The following FYB1 variants were observed in gnomAD, a reference collection of about 807,000 sequenced individuals.
The protein encoded by FYB1 is FYN-binding protein 1.
Under a neutral mutation model 94.1 loss-of-function variants are expected in FYB1, and 41 were observed. The ratio of observed to expected loss-of-function variants is 0.44; its 90% confidence interval spans 0.34 to 0.57. The LOEUF (loss-of-function observed/expected upper bound fraction) is 0.57, where lower values mean the gene tolerates loss of function less well. FYB1 is among the 20% of genes least tolerant of loss of function. FYB1 has a pLI of 0.02. For synonymous variants in FYB1, 367 were observed against 353.2 expected, an observed-to-expected ratio of 1.04 and a Z score of -0.44; for missense variants, 1,050 against 976.8, an observed-to-expected ratio of 1.07 and a Z score of -1.00.
At chr5:39,129,188 A>G (rs1740953710) in intron 10 of FYB1, among the ~76,000 whole-genome samples, 1 of 152,022 alleles carries the variant, frequency 6.6e-6, no homozygotes. Context: ...AGAAAAAGGC[A>G]CCAAGAACAT....
At chr5:39,230,090 T>C (rs1288589713) in intron 1 of FYB1, among the ~76,000 whole-genome samples, 1 of 152,206 alleles carries the variant, frequency 6.6e-6, no homozygotes, top group Non-Finnish European at 1.5e-5. Flanking sequence ...TTCCAAAAGA[T>C]GTCCACCTCC....
At chr5:39,270,204 C>T (rs1323862302) in intron 1 of FYB1, among the ~76,000 whole-genome samples, 7 of 152,150 alleles carry the variant, frequency 4.6e-5, no homozygotes, top group East Asian at 1.9e-4. Flanking sequence ...TCCCAACATT[C>T]GCCACTGGAG....
chr5:39,183,280 C>T (rs1356765655), intron 2 of FYB1, among the ~76,000 whole-genome samples: 1 of 152,154 alleles, frequency 6.6e-6, no homozygotes, highest in Non-Finnish European at 1.5e-5. Flanking sequence ...GCCACCACTC[C>T]TGGCCTTGTT....
chr5:39,123,503 T>C (rs56314755), intron 13 of FYB1, among the ~76,000 whole-genome samples: 5,018 of 152,244 alleles, frequency 0.033, 139 homozygotes, highest in Non-Finnish European at 0.043. Context: ...TTTAAAAATA[T>C]TATAGATTAG....
chr5:39,272,995 G>A (rs1359716746), intron 1 of FYB1, among the ~76,000 whole-genome samples: 1 of 152,156 alleles, frequency 6.6e-6, no homozygotes, highest in Admixed American at 6.5e-5. Flanking sequence ...TTCCCCACCC[G>A]GCCGGCTGCC....
intron 2 of FYB1, among the ~76,000 whole-genome samples, chr5:39,182,136 CCTAA>C (rs199878387): frequency 0.01 from 1,593 of 152,258 alleles, 10 homozygotes; most frequent in Non-Finnish European, 0.014. Context: ...TCGGTTCCTG[CCTAA>C]CTAACTCCCC....
At chr5:39,146,892 A>G (rs1375675309) in intron 3 of FYB1, among the ~76,000 whole-genome samples, 2 of 152,188 alleles carry the variant, frequency 1.3e-5, no homozygotes, top group Non-Finnish European at 2.9e-5. Context: ...GTGAAGAATA[A>G]AAGGAAAAGA....
intron 1 of FYB1, among the ~76,000 whole-genome samples, chr5:39,215,593 T>C (rs144636876): frequency 5.0e-4 from 76 of 152,274 alleles, no homozygotes; most frequent in African/African-American, 1.8e-3. Context: ...CTGTGGTGTA[T>C]TCAGAAGCAA....
At chr5:39,127,373 CT>C (rs1276636124) in intron 11 of FYB1, among the ~76,000 whole-genome samples, 1 of 141,012 alleles carries the variant, frequency 7.1e-6, no homozygotes, top group Non-Finnish European at 1.5e-5. Flanking sequence ...TCAATAAAGA[CT>C]TTATTAGGAA....
chr5:39,200,198 C>T (rs958701360), intron 2 of FYB1, among the ~76,000 whole-genome samples: 6 of 152,186 alleles, frequency 3.9e-5, no homozygotes, highest in African/African-American at 1.4e-4. Flanking sequence ...GTCTGCTCTG[C>T]AGTTCTGCCT....
intron 2 of FYB1, among the ~76,000 whole-genome samples, chr5:39,166,320 C>T (rs1309970863): frequency 6.6e-6 from 1 of 151,946 alleles, no homozygotes; most frequent in African/African-American, 2.4e-5. Context: ...CCTGTAATCT[C>T]AGCTACTCGG....
rs985848053 is a variant in FYB1 at position 39,214,887 on chromosome 5, C to A, written c.-28+4556G>T. 4.6e-4 allele frequency among the ~76,000 whole-genome samples: 70 copies of A among 152,262 alleles called. 1 individual carries two copies. The highest frequency in any genetic ancestry group is 1.6e-3 in the African/African-American group (66 of 41,544). The stretch of plus-strand genomic sequence containing the variant: ...GAGGTTGCAGTGAGCCAAGATCGCA[C>A]CACTGCACTCCAGTCTGGGCAACAG... On this transcript the variant is annotated intron_variant, in intron 1 of 18. Coordinates refer to ENST00000512982, the MANE Select transcript of FYB1 (RefSeq NM_001465.6).
chr5:39,156,574 G>T (rs1342183880), intron 2 of FYB1, among the ~76,000 whole-genome samples: 1 of 152,184 alleles, frequency 6.6e-6, no homozygotes. Flanking sequence ...ATCAAGCTTG[G>T]GAGAACATAT....
chr5:39,224,632 T>C (rs1750396924), intron 1 of FYB1, among the ~76,000 whole-genome samples: 1 of 152,212 alleles, frequency 6.6e-6, no homozygotes, highest in Admixed American at 6.5e-5. Context: ...GAGAATGGAC[T>C]GTGTAGGAGA....
intron 2 of FYB1, among the ~76,000 whole-genome samples, chr5:39,158,966 T>G (rs1744004401): frequency 6.6e-6 from 1 of 152,200 alleles, no homozygotes; most frequent in African/African-American, 2.4e-5. Flanking sequence ...CTTTGGCAAA[T>G]CACTTAATCT....
rs926292994 is a variant in FYB1, at chr5:39,236,098, T to A, written c.-27-33111A>T. 2.6e-5 allele frequency among the ~76,000 whole-genome samples: 4 copies of A among 151,992 alleles called. No individual in the cohort carries two copies. In the East Asian group the frequency reaches 7.7e-4, roughly 29 times the overall value. Reference sequence around the variant, plus strand: ...TTTTCTAAACCTCTCAGATACTAGATAAATTCTAGGTGTGCCACAAGATTT... The same window carrying A: ...TTTTCTAAACCTCTCAGATACTAGAAAAATTCTAGGTGTGCCACAAGATTT... On this transcript the variant is annotated intron_variant, in intron 1 of 1. Coordinates refer to the FYB1 transcript ENST00000510188.
At chr5:39,230,806 G>A (rs952529021) in intron 1 of FYB1, among the ~76,000 whole-genome samples, 1 of 149,676 alleles carries the variant, frequency 6.7e-6, no homozygotes, top group Non-Finnish European at 1.5e-5. Context: ...GCTGAGAATT[G>A]CTGACTCTGT....
chr5:39,201,970 C>G lies in FYB1; in HGVS notation c.991G>C (p.Glu331Gln), dbSNP rs1748361477. ...GAATTCTTGTCTCCCTTTTCCTTTTCCTGACTTTGGCCCCATGGCCCCCCC... is the reference window on the plus strand; with the variant it reads ...GAATTCTTGTCTCCCTTTTCCTTTTGCTGACTTTGGCCCCATGGCCCCCCC... ...TVGGPWGQSQ[E>Q]KEKGDKNSAT... Residue 331 changes from glutamate to glutamine, a missense_variant, in exon 2 of 19, where the codon GAA becomes CAA. By Grantham distance (29) the Glu-to-Gln change is conservative. Transcript: ENST00000512982. The G allele has an allele frequency of 1.2e-6, 2 of 1,613,910 alleles. No individual in the cohort carries two copies. The highest frequency in any genetic ancestry group is 2.7e-5 in the African/African-American group (2 of 74,928).
At chr5:39,127,682 A>C in intron 11 of FYB1, 59 bp downstream of exon 11, 1 of 1,487,488 alleles carries the variant, frequency 6.7e-7, no homozygotes, top group Non-Finnish European at 8.9e-7. Context: ...TGGAAATCAA[A>C]ACTAAATTTC....
Sources: gnomAD v4.1 joint callset for allele counts (sites outside exome capture counted in the v4.1 genomes callset) on GRCh38, gnomAD v4.1.1 for gene constraint, MANE v1.5 for transcripts, NCBI Gene and HGNC (gene_info 2026-07-23, HGNC 2026-07-21) for gene names.